ZBTB20: variants seen among roughly 807,000 people sequenced by gnomAD.
ZBTB20 encodes the protein zinc finger and BTB domain-containing protein 20.
ZBTB20 carries 9 observed loss-of-function variants against 56.9 expected under a neutral mutation model. The ratio of observed to expected loss-of-function variants is 0.16; its 90% CI spans 0.10 to 0.28. ZBTB20 has a LOEUF of 0.28. Ranked by LOEUF, ZBTB20 falls within the 10% of genes least tolerant of loss-of-function variation. The pLI is 1.00. For missense variants in ZBTB20, 655 were observed against 1,003.0 expected, an observed-to-expected ratio of 0.65 and a Z score of 4.69; for synonymous variants, 417 against 420.7, an observed-to-expected ratio of 0.99 and a Z score of 0.11.
intron 2 of ZBTB20, among the ~76,000 whole-genome samples, chr3:114,997,664 T>C (rs537990343): frequency 5.9e-5 from 9 of 151,804 alleles, no homozygotes; most frequent in Admixed American, 2.0e-4. Context: ...ATAAAATTAA[T>C]CAATACTGCA....
At chr3:114,997,495 T>C (rs374903776) in intron 2 of ZBTB20, among the ~76,000 whole-genome samples, 3 of 151,842 alleles carry the variant, frequency 2.0e-5, no homozygotes, top group East Asian at 3.9e-4. Context: ...AAACAATGGT[T>C]TCCAAAGAAA....
chr3:114,370,222 C>T (rs1371580993), intron 10 of ZBTB20, among the ~76,000 whole-genome samples: 1 of 152,164 alleles, frequency 6.6e-6, no homozygotes, highest in Non-Finnish European at 1.5e-5. Context: ...GGGCTAGGAA[C>T]TCTTGTATCA....
rs748321783 is a variant in ZBTB20 at position 114,839,406 on chromosome 3, TGAAAGAAAGAAAGAAA to T, written c.-416-38248_-416-38233del. On this transcript the variant is annotated intron_variant, in intron 4 of 11. Coordinates refer to ENST00000675478, the MANE Select transcript of ZBTB20 (RefSeq NM_001348800.3). ...CTGGGTGACAGAGTGAGAGCCTGTCTGAAAGAAAGAAAGAAAGAAAGAAAGAAAGAAAGAAAGAAAG... is the reference window on the plus strand; with the variant it reads ...CTGGGTGACAGAGTGAGAGCCTGTCTGAAAGAAAGAAAGAAAGAAAGAAAG... 4.4e-4 allele frequency among the ~76,000 whole-genome samples: 32 copies of T among 72,770 alleles called. 1 individual carries two copies. The highest frequency in any genetic ancestry group is 2.1e-3 in the South Asian group (4 of 1,868). 47.7% of individuals were successfully genotyped at this position (72,770 alleles called of 152,430 possible).
At chr3:115,026,308 T>C (rs2080421022) in intron 2 of ZBTB20, among the ~76,000 whole-genome samples, 1 of 151,106 alleles carries the variant, frequency 6.6e-6, no homozygotes. Context: ...AAATAACTCC[T>C]GGCAGTTTGA....
chr3:115,036,703 G>T (rs1356106154), intron 2 of ZBTB20, among the ~76,000 whole-genome samples: 1 of 152,114 alleles, frequency 6.6e-6, no homozygotes, highest in Non-Finnish European at 1.5e-5. Context: ...GTGCACCGCA[G>T]CGCCCGGCCA....
At chr3:115,037,044 G>A (rs923287783) in intron 2 of ZBTB20, among the ~76,000 whole-genome samples, 10 of 152,130 alleles carry the variant, frequency 6.6e-5, no homozygotes, top group African/African-American at 2.4e-4. Flanking sequence ...ATGGACAACA[G>A]AGAAATCTGA....
At chr3:115,135,718 G>A (rs938458311) in intron 1 of ZBTB20, among the ~76,000 whole-genome samples, 2 of 152,178 alleles carry the variant, frequency 1.3e-5, no homozygotes, top group Middle Eastern at 3.4e-3. Context: ...TTTACACGAT[G>A]TTACCCTCTA....
At chr3:114,742,560 G>C (rs916517824) in intron 5 of ZBTB20, among the ~76,000 whole-genome samples, 2 of 152,088 alleles carry the variant, frequency 1.3e-5, no homozygotes, top group Admixed American at 1.3e-4. Context: ...TCTCCTACAA[G>C]ACAAGTGCTA....
chr3:114,661,985 T>A (rs539087712), intron 6 of ZBTB20, among the ~76,000 whole-genome samples: 166 of 151,688 alleles, frequency 1.1e-3, no homozygotes, highest in Non-Finnish European at 1.8e-3. Context: ...ACATGTGCCA[T>A]GCTGGTGCAC....
At chr3:114,866,886 A>G (rs899177610) in intron 4 of ZBTB20, among the ~76,000 whole-genome samples, 15 of 152,268 alleles carry the variant, frequency 9.9e-5, no homozygotes, top group African/African-American at 3.6e-4. Flanking sequence ...CTTTCTGACT[A>G]TAGATCTTGG....
chr3:114,889,896 T>G (rs966553670), intron 4 of ZBTB20, among the ~76,000 whole-genome samples: 12 of 152,278 alleles, frequency 7.9e-5, no homozygotes, highest in African/African-American at 2.6e-4. Context: ...TTACATGGTT[T>G]CAGAATAGCA....
chr3:114,634,699 G>T (rs2059156241), intron 6 of ZBTB20, among the ~76,000 whole-genome samples: 1 of 152,190 alleles, frequency 6.6e-6, no homozygotes, highest in East Asian at 1.9e-4. Context: ...GCAATTTCAT[G>T]TTAGAATGTC....
At chr3:114,663,063 A>T (rs1255841273) in intron 6 of ZBTB20, among the ~76,000 whole-genome samples, 1 of 150,726 alleles carries the variant, frequency 6.6e-6, no homozygotes, top group African/African-American at 2.4e-5. Context: ...CCTCGAGAAG[A>T]GCAACTCCAA....
At chr3:114,523,240 G>T (rs1429854298) in intron 6 of ZBTB20, among the ~76,000 whole-genome samples, 1 of 152,164 alleles carries the variant, frequency 6.6e-6, no homozygotes, top group Non-Finnish European at 1.5e-5. Flanking sequence ...ACTGCCGAAT[G>T]GTTAATGGAT....
At chr3:114,722,916 A>G (rs974853525) in intron 5 of ZBTB20, among the ~76,000 whole-genome samples, 3 of 152,216 alleles carry the variant, frequency 2.0e-5, no homozygotes, top group Non-Finnish European at 2.9e-5. Flanking sequence ...AGACAGGCAG[A>G]TCAGATGAAG....
intron 4 of ZBTB20, among the ~76,000 whole-genome samples, chr3:114,870,481 C>T (rs2075958333): frequency 1.3e-5 from 2 of 150,902 alleles, no homozygotes; most frequent in Non-Finnish European, 2.9e-5. Context: ...ATACGAAGAA[C>T]AAGTGATTAA....
At chr3:114,359,498 T>G (rs1021372412) in intron 10 of ZBTB20, 2 of 152,180 alleles carry the variant, frequency 1.3e-5, no homozygotes, top group African/African-American at 4.8e-5. Flanking sequence ...AAAAAGTCAA[T>G]GAAATCTGAG....
At chr3:114,980,201 C>T (rs1576478170) in intron 2 of ZBTB20, among the ~76,000 whole-genome samples, 1 of 151,920 alleles carries the variant, frequency 6.6e-6, no homozygotes, top group South Asian at 2.1e-4. Context: ...GAGCAGAATG[C>T]CTTAAATAAA....
chr3:115,040,054 T>C (rs1351829756), intron 2 of ZBTB20, among the ~76,000 whole-genome samples: 2 of 152,136 alleles, frequency 1.3e-5, no homozygotes, highest in Non-Finnish European at 2.9e-5. Context: ...TATATATATG[T>C]TAAAACATCC....
Sources: allele counts gnomAD v4.1 joint callset (sites outside exome capture counted in the v4.1 genomes callset), GRCh38; gene constraint gnomAD v4.1.1; transcripts MANE v1.5; gene names NCBI Gene and HGNC (gene_info 2026-07-23, HGNC 2026-07-21).